KCNH8: variants seen among roughly 807,000 people sequenced by gnomAD.
The protein encoded by KCNH8 is potassium voltage-gated channel subfamily H member 8.
KCNH8 carries 70 observed loss-of-function variants against 103.6 expected under a neutral mutation model. The observed-to-expected ratio is 0.68, with a 90% CI of 0.56 to 0.82. The LOEUF is 0.82. Among genes scored for constraint, KCNH8 ranks in the 40% least tolerant of loss-of-function variants. The pLI is 0.00. For synonymous variants in KCNH8, 498 were observed against 489.4 expected (o/e 1.02, Z -0.23); for missense variants, 1,217 against 1,329.9 (o/e 0.92, Z 1.32).
intron 3 of KCNH8, among the ~76,000 whole-genome samples, chr3:19,283,651 A>T (rs1224375831): frequency 1.3e-5 from 2 of 152,186 alleles, no homozygotes; most frequent in Non-Finnish European, 2.9e-5. Flanking sequence ...TTATAAAATG[A>T]TAATTAAAAA....
chr3:19,400,251 A>AG (rs1553590203), intron 7 of KCNH8, among the ~76,000 whole-genome samples: 1 of 150,606 alleles, frequency 6.6e-6, no homozygotes, highest in Non-Finnish European at 1.5e-5. Flanking sequence ...AAAAAAAAAA[A>AG]AAAAGCATCA....
At chr3:19,349,952 CA>C (rs1319276739) in intron 5 of KCNH8, among the ~76,000 whole-genome samples, 1 of 152,000 alleles carries the variant, frequency 6.6e-6, no homozygotes, top group Non-Finnish European at 1.5e-5. Context: ...TTACTTTCTG[CA>C]AAGATTTAGG....
intron 1 of KCNH8, among the ~76,000 whole-genome samples, chr3:19,211,338 C>G (rs752643626): frequency 7.9e-5 from 12 of 152,110 alleles, no homozygotes; most frequent in Non-Finnish European, 1.2e-4. Flanking sequence ...GGAGAGCCTA[C>G]TTGTCTGTTG....
chr3:19,530,244 G>T (rs1317397386), intron 15 of KCNH8, among the ~76,000 whole-genome samples: 1 of 152,120 alleles, frequency 6.6e-6, no homozygotes, highest in Non-Finnish European at 1.5e-5. Flanking sequence ...TGACAGCATA[G>T]TAAGGTGATA....
Position 19,534,061 on chromosome 3 carries a change from ACAG to A in KCNH8, c.3290_3292del (p.Ala1097del), listed in dbSNP as rs1157770953. On this transcript the variant is annotated inframe_deletion, in exon 16 of 16. Transcript: ENST00000328405. Reference sequence around the variant, plus strand: ...CCTTCCACTGGAAGTTGTCACAAGCACAGCAGAAGTGAAAGATAACAAAGCCAT... The same window carrying A: ...CCTTCCACTGGAAGTTGTCACAAGCACAGAAGTGAAAGATAACAAAGCCAT... 3.7e-6 allele frequency: 6 copies of A among 1,614,106 alleles called. No homozygotes were observed. Among genetic ancestry groups the A allele is most frequent in the Non-Finnish European group, 5.1e-6 (6 of 1,179,982 alleles).
At chr3:19,215,561 G>A (rs2063810232) in intron 1 of KCNH8, among the ~76,000 whole-genome samples, 2 of 152,182 alleles carry the variant, frequency 1.3e-5, no homozygotes, top group African/African-American at 4.8e-5. Context: ...TCTTTTCCAT[G>A]ATCCCAGCTT....
At chr3:19,476,638 A>G (rs1440932296) in intron 11 of KCNH8, among the ~76,000 whole-genome samples, 1 of 152,120 alleles carries the variant, frequency 6.6e-6, no homozygotes, top group African/African-American at 2.4e-5. Flanking sequence ...TGAATTCCCA[A>G]ATCATTGATT....
At chr3:19,410,229 T>G (rs1049199550) in intron 7 of KCNH8, among the ~76,000 whole-genome samples, 90 of 151,852 alleles carry the variant, frequency 5.9e-4, no homozygotes, top group African/African-American at 2.1e-3. Context: ...TAGAAATCAA[T>G]ACAAGGAGGC....
At chr3:19,164,513 T>A (rs925623627) in intron 1 of KCNH8, among the ~76,000 whole-genome samples, 4 of 152,206 alleles carry the variant, frequency 2.6e-5, no homozygotes, top group Non-Finnish European at 5.9e-5. Context: ...TAGAAAGGTT[T>A]AATAAATTGT....
chr3:19,339,837 G>T (rs921584884), intron 3 of KCNH8, among the ~76,000 whole-genome samples: 4 of 152,032 alleles, frequency 2.6e-5, no homozygotes, highest in Admixed American at 6.6e-5. Context: ...GTCCGTGAAA[G>T]ACTTGGAGTG....
At chr3:19,348,030 TTC>T in intron 5 of KCNH8, 65 bp downstream of exon 5, 2 of 1,567,310 alleles carry the variant, frequency 1.3e-6, no homozygotes, top group South Asian at 2.3e-5. Flanking sequence ...TTCCAGATTT[TTC>T]TGACATGAAT....
intron 1 of KCNH8, among the ~76,000 whole-genome samples, chr3:19,178,889 C>T (rs1201951734): frequency 6.6e-6 from 1 of 152,074 alleles, no homozygotes; most frequent in Non-Finnish European, 1.5e-5. Context: ...AGGCTCACTC[C>T]TGAGGCAGGA....
At chr3:19,185,035 A>G (rs536791087) in intron 1 of KCNH8, among the ~76,000 whole-genome samples, 56 of 151,958 alleles carry the variant, frequency 3.7e-4, no homozygotes, top group African/African-American at 1.3e-3. Flanking sequence ...GTTGTTGATT[A>G]TTTGAATTGT....
chr3:19,484,896 G>T (rs1264034878), intron 11 of KCNH8, among the ~76,000 whole-genome samples: 2 of 152,040 alleles, frequency 1.3e-5, no homozygotes. Context: ...TAGTATAGGA[G>T]GAGGCCTATG....
intron 3 of KCNH8, among the ~76,000 whole-genome samples, chr3:19,338,316 C>G (rs1370144271): frequency 6.6e-6 from 1 of 151,962 alleles, no homozygotes; most frequent in Admixed American, 6.6e-5. Flanking sequence ...TGTCTTTGCT[C>G]CTCGACCCTA....
chr3:19,428,807 G>C (rs1379986146), intron 7 of KCNH8, among the ~76,000 whole-genome samples: 1 of 152,226 alleles, frequency 6.6e-6, no homozygotes, highest in Non-Finnish European at 1.5e-5. Context: ...TTTATATGCT[G>C]CATTGCTTGC....
intron 5 of KCNH8, among the ~76,000 whole-genome samples, chr3:19,384,219 A>G (rs1018296370): frequency 1.3e-5 from 2 of 152,210 alleles, no homozygotes; most frequent in Admixed American, 1.3e-4. Context: ...AAGATCACAG[A>G]TAGTGTGTAT....
chr3:19,191,119 G>T (rs1318841241), intron 1 of KCNH8, among the ~76,000 whole-genome samples: 2 of 151,404 alleles, frequency 1.3e-5, no homozygotes. Context: ...TATCTTTTTT[G>T]TTTCAAAAAT....
chr3:19,417,359 G>A (rs968590422), intron 7 of KCNH8, among the ~76,000 whole-genome samples: 6 of 151,298 alleles, frequency 4.0e-5, no homozygotes, highest in Admixed American at 3.3e-4. Flanking sequence ...ATTCCAGTGC[G>A]ATTTTGTTAT....
Sources: gnomAD v4.1 joint callset for allele counts (sites outside exome capture counted in the v4.1 genomes callset) on GRCh38, gnomAD v4.1.1 for gene constraint, MANE v1.5 for transcripts, NCBI Gene and HGNC (gene_info 2026-07-23, HGNC 2026-07-21) for gene names.